KSR1: variants seen among roughly 807,000 people sequenced by gnomAD.
KSR1 encodes kinase suppressor of ras 1.
KSR1 carries 35 observed loss-of-function variants against 92.9 expected under a neutral mutation model. The ratio of observed to expected loss-of-function variants is 0.38; its 90% CI spans 0.29 to 0.50. KSR1 has a LOEUF of 0.50. Among genes scored for constraint, KSR1 ranks in the 20% least tolerant of loss-of-function variants. The pLI is 0.94. For missense variants in KSR1, 972 were observed against 1,158.5 expected, an observed-to-expected ratio of 0.84 and a Z score of 2.34; for synonymous variants, 467 against 472.6, an observed-to-expected ratio of 0.99 and a Z score of 0.15.
At chr17:27,489,605 T>G (rs1256348200) in intron 1 of KSR1, among the ~76,000 whole-genome samples, 1 of 152,202 alleles carries the variant, frequency 6.6e-6, no homozygotes, top group Non-Finnish European at 1.5e-5. Context: ...GCTCTTCTCT[T>G]TCTCCCCCAT....
intron 14 of KSR1, among the ~76,000 whole-genome samples, chr17:27,606,814 A>C (rs1598137158): frequency 6.6e-6 from 1 of 152,180 alleles, no homozygotes; most frequent in Non-Finnish European, 1.5e-5. Context: ...AAAGTAGTTA[A>C]TGAAAAACAA....
chr17:27,530,565 C>G (rs1463861254), intron 1 of KSR1, among the ~76,000 whole-genome samples: 1 of 152,176 alleles, frequency 6.6e-6, no homozygotes, highest in East Asian at 1.9e-4. Flanking sequence ...CTACCGTGGG[C>G]TCCTGGACCT....
In KSR1 at chr17:27,590,840, T is replaced by G. The variant is rs1598098590; in HGVS notation, c.1076T>G (p.Val359Gly). 1.2e-6 allele frequency: 2 copies of G among 1,611,928 alleles called. No individual in the cohort carries two copies. Among genetic ancestry groups the G allele is most frequent in the Non-Finnish European group, 1.7e-6 (2 of 1,179,208 alleles). The change falls in exon 7 of 21, where the codon GTC becomes GGC. Residue 359 changes from valine to glycine, a missense_variant. Physicochemically the swap from Val to Gly is moderately radical, Grantham distance 109 (BLOSUM62 -3). Transcript: ENST00000644974. ...RFSTKSWLSQ[V>G]CHVCQKSMIF... ...TCCACCAAGTCCTGGCTGTCGCAGG[T>G]CTGCCACGTGTGCCAGAAGAGCATG...
chr17:27,482,638 G>A (rs1469777295), intron 1 of KSR1, among the ~76,000 whole-genome samples: 2 of 152,150 alleles, frequency 1.3e-5, no homozygotes, highest in Non-Finnish European at 2.9e-5. Flanking sequence ...AAGTAAAACT[G>A]GAGCACATTT....
At chr17:27,474,768 T>C (rs2068287641) in intron 1 of KSR1, among the ~76,000 whole-genome samples, 1 of 152,184 alleles carries the variant, frequency 6.6e-6, no homozygotes, top group Admixed American at 6.5e-5. Context: ...CTTGTGGAAC[T>C]TACGCTTCAG....
intron 3 of KSR1, chr17:27,578,602 A>G (rs931365836): frequency 1.3e-5 from 2 of 152,284 alleles, no homozygotes; most frequent in African/African-American, 2.4e-5. Flanking sequence ...TGGCTGAGCC[A>G]GAATTTGAAC....
chr17:27,555,263 G>T (rs776825263), intron 2 of KSR1, among the ~76,000 whole-genome samples: 3 of 151,816 alleles, frequency 2.0e-5, no homozygotes, highest in Admixed American at 2.0e-4. Context: ...ATCTCCTCTG[G>T]GGGTGTATCT....
At chr17:27,496,893 T>C (rs976437197) in intron 1 of KSR1, among the ~76,000 whole-genome samples, 5 of 152,248 alleles carry the variant, frequency 3.3e-5, no homozygotes, top group African/African-American at 1.2e-4. Context: ...TCCTCTGAGA[T>C]GAGAGTGTGG....
chr17:27,491,321 G>A (rs2068819860), intron 1 of KSR1, among the ~76,000 whole-genome samples: 2 of 122,526 alleles, frequency 1.6e-5, no homozygotes, highest in South Asian at 7.3e-4. Flanking sequence ...GTGTGTGTGT[G>A]TGTGTGTGTG....
chr17:27,617,518 A>C, intron 19 of KSR1, 90 bp downstream of exon 19: 2 of 1,466,422 alleles, frequency 1.4e-6, no homozygotes, highest in Non-Finnish European at 9.2e-7. Context: ...CTTTCTGCCC[A>C]AGACTTTGTT....
At chr17:27,617,491 A>C in intron 19 of KSR1, 63 bp downstream of exon 19, 1 of 1,553,784 alleles carries the variant, frequency 6.4e-7, no homozygotes, top group South Asian at 1.2e-5. Flanking sequence ...CTGGGGTCTT[A>C]GAGGGCACCT....
At chr17:27,560,051 C>T (rs1239397635) in intron 2 of KSR1, among the ~76,000 whole-genome samples, 1 of 152,172 alleles carries the variant, frequency 6.6e-6, no homozygotes, top group Non-Finnish European at 1.5e-5. Flanking sequence ...GGGTGAGGAG[C>T]GCTGCCTCCC....
intron 1 of KSR1, among the ~76,000 whole-genome samples, chr17:27,520,612 G>A (rs550416821): frequency 3.3e-5 from 5 of 152,224 alleles, no homozygotes; most frequent in African/African-American, 4.8e-5. Flanking sequence ...TGGCTTTTCC[G>A]TGCAGAACGG....
intron 2 of KSR1, among the ~76,000 whole-genome samples, chr17:27,575,956 G>A (rs892330719): frequency 6.6e-6 from 1 of 152,176 alleles, no homozygotes; most frequent in African/African-American, 2.4e-5. Flanking sequence ...CTCTTACCTG[G>A]AAGTTCTGGA....
intron 1 of KSR1, among the ~76,000 whole-genome samples, chr17:27,497,074 A>AT (rs2069013405): frequency 6.6e-6 from 1 of 152,218 alleles, no homozygotes; most frequent in African/African-American, 2.4e-5. Flanking sequence ...GGGCAGGAGA[A>AT]TGCGGAGCTG....
At chr17:27,507,815 TCCA>T (rs1172962941) in intron 1 of KSR1, among the ~76,000 whole-genome samples, 2 of 152,078 alleles carry the variant, frequency 1.3e-5, no homozygotes, top group Non-Finnish European at 2.9e-5. Flanking sequence ...CCTCAGGTGA[TCCA>T]CCTGCGTCAG....
intron 9 of KSR1, among the ~76,000 whole-genome samples, chr17:27,593,217 A>G (rs965593460): frequency 3.3e-5 from 5 of 152,220 alleles, no homozygotes; most frequent in African/African-American, 1.2e-4. Context: ...CTGCAGCTAG[A>G]CAGAGTCTGC....
At chr17:27,607,767 G>A in intron 14 of KSR1, 147 bp from the exon 15 acceptor site, 1 of 639,090 alleles carries the variant, frequency 1.6e-6, no homozygotes, top group Non-Finnish European at 2.8e-6. Context: ...GGACTGGGCT[G>A]GGTTAAAGAA....
intron 19 of KSR1, among the ~76,000 whole-genome samples, chr17:27,619,146 C>T (rs1039297014): frequency 3.9e-5 from 6 of 152,130 alleles, no homozygotes; most frequent in Non-Finnish European, 8.8e-5. Context: ...CCTGAGGCCC[C>T]CGTCCCTGTG....
Sources: allele counts gnomAD v4.1 joint callset (sites outside exome capture counted in the v4.1 genomes callset), GRCh38; gene constraint gnomAD v4.1.1; transcripts MANE v1.5; gene names NCBI Gene and HGNC (gene_info 2026-07-23, HGNC 2026-07-21).